SIMC1: variants seen among roughly 807,000 people sequenced by gnomAD.
The protein encoded by SIMC1 is SUMO interacting motifs containing 1.
In SIMC1, 55 loss-of-function variants were observed where a neutral mutation model predicts 82.3. The observed-to-expected ratio is 0.67, with a 90% confidence interval of 0.54 to 0.84. The LOEUF is 0.84. Ranked by LOEUF, SIMC1 falls within the 40% of genes least tolerant of loss-of-function variation. SIMC1 has a pLI of 0.00. For missense variants in SIMC1, 915 were observed against 1,107.2 expected (o/e 0.83, Z 2.46); for synonymous variants, 353 against 426.3 (o/e 0.83, Z 2.12).
chr5:176,313,733 G>A lies in SIMC1; in HGVS notation c.1777G>A (p.Val593Ile), dbSNP rs200331366. 1.4e-4 allele frequency: 222 copies of A among 1,613,750 alleles called. No individual in the cohort carries two copies. The highest frequency in any genetic ancestry group is 8.5e-4 in the Admixed American group (51 of 59,986). Residue 593 changes from valine to isoleucine, a missense_variant, in exon 5 of 10, where the codon GTT (valine) becomes ATT (isoleucine). Physicochemically the swap from Val to Ile is conservative, Grantham distance 29. Coordinates refer to ENST00000429602, the MANE Select transcript of SIMC1 (RefSeq NM_001308195.2). ...GCGAGTCCTTTTCCTGCGTTATGTC[G>A]TTCAGACCCTAGAAGATGACTTTCA... ...PGRVLFLRYV[V>I]QTLEDDFQQT...
intron 1 of SIMC1, among the ~76,000 whole-genome samples, chr5:176,283,562 G>A (rs1292643029): frequency 6.6e-6 from 1 of 152,196 alleles, no homozygotes; most frequent in Non-Finnish European, 1.5e-5. Flanking sequence ...AGCAGCCACT[G>A]CAAAACCATG....
intron 1 of SIMC1, among the ~76,000 whole-genome samples, chr5:176,248,251 T>C (rs930001579): frequency 5.3e-5 from 8 of 152,090 alleles, no homozygotes; most frequent in African/African-American, 1.9e-4. Context: ...ATGGAATGTT[T>C]TTCCATTTGT....
intron 7 of SIMC1, 83 bp from the exon 8 acceptor site, chr5:176,336,637 T>A: frequency 6.5e-7 from 1 of 1,535,322 alleles, no homozygotes; most frequent in South Asian, 1.2e-5. Context: ...AGGACAAATG[T>A]TGTACATTCA....
chr5:176,308,123 G>C (rs1764505878), intron 4 of SIMC1: 4 of 922,666 alleles, frequency 4.3e-6, no homozygotes, highest in Middle Eastern at 2.1e-4. Flanking sequence ...CACTTTCCTT[G>C]TTTGTCTCAA....
At chr5:176,315,029 T>G (rs765343969) in intron 5 of SIMC1, among the ~76,000 whole-genome samples, 3 of 152,194 alleles carry the variant, frequency 2.0e-5, no homozygotes, top group Non-Finnish European at 4.4e-5. Flanking sequence ...TAAATGTGTT[T>G]TCAACTTAAA....
chr5:176,287,468 C>T (rs546628623), intron 1 of SIMC1, among the ~76,000 whole-genome samples: 2 of 151,996 alleles, frequency 1.3e-5, no homozygotes, highest in East Asian at 1.9e-4. Flanking sequence ...ATCAACACAC[C>T]GGGGCCTGTA....
chr5:176,293,377 G>C, intron 2 of SIMC1, among the ~76,000 whole-genome samples: 1 of 151,792 alleles, frequency 6.6e-6, no homozygotes, highest in East Asian at 1.9e-4. Flanking sequence ...GGAACTTGCA[G>C]TGTGCCAGGA....
chr5:176,290,271 C>A lies in SIMC1; in HGVS notation c.747C>A (p.Cys249Ter). Residue 249 changes from cysteine to a stop codon, truncating the protein, a stop_gained, in exon 2 of 10, where the codon TGC (cysteine) becomes TGA (stop). Coordinates refer to ENST00000429602, the MANE Select transcript of SIMC1 (RefSeq NM_001308195.2). LOFTEE classifies it high-confidence loss of function. Reference protein sequence around the residue: ...ASSCPPRALSCPSQTMQCQLP... With the variant: ...ASSCPPRALS ...CATGCCCACCACGAGCCTTGTCATG[C>A]CCATCACAAACCATGCAGTGCCAAC... 6.2e-7 allele frequency: 1 copy of A among 1,613,838 alleles called. No homozygotes were observed. The highest frequency in any genetic ancestry group is 8.5e-7 in the Non-Finnish European group (1 of 1,179,878).
intron 1 of SIMC1, among the ~76,000 whole-genome samples, chr5:176,254,004 T>C (rs1266116405): frequency 6.6e-6 from 1 of 152,088 alleles, no homozygotes; most frequent in African/African-American, 2.4e-5. Flanking sequence ...GTCTCAACTT[T>C]CCCAAAGGCC....
At chr5:176,324,900 T>A in intron 7 of SIMC1, 143 bp downstream of exon 7, 3 of 974,622 alleles carry the variant, frequency 3.1e-6, no homozygotes, top group Non-Finnish European at 2.9e-6. Flanking sequence ...CCAAACTAAT[T>A]AAGATAGGAA....
rs1268926925 is a variant in SIMC1, at chr5:176,248,326, C to T, written c.129+9689C>T. ...TCTCCTTGAAGAGGTCCTTCACATC[C>T]CTTGTAAGTTGTATTCCTAGGTATT... is the stretch of plus-strand genomic sequence containing the variant. On this transcript the variant is annotated intron_variant, in intron 1 of 9. Transcript: ENST00000429602. Among the ~76,000 whole-genome samples the T allele has an allele frequency of 3.9e-5, 6 of 152,012 alleles. 1 individual carries two copies. The highest frequency in any genetic ancestry group is 7.4e-5 in the Non-Finnish European group (5 of 68,012).
At chr5:176,249,576 C>G (rs1339473075) in intron 1 of SIMC1, among the ~76,000 whole-genome samples, 2 of 151,890 alleles carry the variant, frequency 1.3e-5, no homozygotes, top group Non-Finnish European at 2.9e-5. Context: ...CATGGTGGCT[C>G]ACGCCTGTAA....
At chr5:176,272,878 G>A (rs1483328000) in intron 1 of SIMC1, among the ~76,000 whole-genome samples, 2 of 152,228 alleles carry the variant, frequency 1.3e-5, no homozygotes, top group Non-Finnish European at 2.9e-5. Flanking sequence ...GTGCCAGCGA[G>A]GCTTGGGGAA....
Position 176,290,447 on chromosome 5 carries a change from T to C in SIMC1, c.923T>C (p.Met308Thr), listed in dbSNP as rs1180662388. The change falls in exon 2 of 10, where the codon ATG becomes ACG. Residue 308 changes from methionine (M) to threonine (T), a missense_variant. By Grantham distance (81) the Met-to-Thr change is moderately conservative. Around this residue, in one of 2 missense-constraint regions of SIMC1, gnomAD observed 902 missense variants for 1,040.3 expected, o/e 0.87. Coordinates refer to ENST00000429602, the MANE Select transcript of SIMC1 (RefSeq NM_001308195.2). The part of the protein sequence containing the change: ...HPQDVAYLQD[M>T]PRSPGDVPQS... Reference sequence around the variant, plus strand: ...CAAGATGTGGCATACCTGCAAGACATGCCACGGTCACCAGGAGATGTGCCA... The same window carrying C: ...CAAGATGTGGCATACCTGCAAGACACGCCACGGTCACCAGGAGATGTGCCA... The C allele has an allele frequency of 6.2e-7, 1 of 1,613,980 alleles. No individual in the cohort carries two copies. The highest frequency in any genetic ancestry group is 2.2e-5 in the East Asian group (1 of 44,876).
chr5:176,323,148 T>A (rs13189001), intron 6 of SIMC1, among the ~76,000 whole-genome samples: 12,213 of 152,272 alleles, frequency 0.08, 526 homozygotes, highest in Middle Eastern at 0.12. Flanking sequence ...CCTACAAGTT[T>A]AAATTGTTTC....
At chr5:176,248,874 C>T (rs1318396180) in intron 1 of SIMC1, among the ~76,000 whole-genome samples, 2 of 152,126 alleles carry the variant, frequency 1.3e-5, no homozygotes, top group African/African-American at 2.4e-5. Flanking sequence ...CATGTGGTTT[C>T]TGTCATTGGT....
chr5:176,342,879 A>G (rs1368454871), intron 9 of SIMC1, among the ~76,000 whole-genome samples: 2 of 152,212 alleles, frequency 1.3e-5, no homozygotes, highest in Non-Finnish European at 2.9e-5. Flanking sequence ...TCCTGCAACT[A>G]GAATATCAGT....
chr5:176,336,677 C>T (rs1323851916), intron 7 of SIMC1, 43 bp from the exon 8 acceptor site: 1 of 1,603,034 alleles, frequency 6.2e-7, no homozygotes, highest in Admixed American at 1.7e-5. Flanking sequence ...TTCTTTGAAG[C>T]ATAGTTGTGA....
At chr5:176,251,090 G>A (rs1224885270) in intron 1 of SIMC1, among the ~76,000 whole-genome samples, 2 of 152,108 alleles carry the variant, frequency 1.3e-5, no homozygotes, top group Non-Finnish European at 2.9e-5. Flanking sequence ...GGCCAGGCAC[G>A]GTGGCTCACC....
Sources: allele counts gnomAD v4.1 joint callset (sites outside exome capture counted in the v4.1 genomes callset), GRCh38; gene constraint gnomAD v4.1.1; regional missense constraint gnomAD v4.1.1; transcripts MANE v1.5; gene names NCBI Gene and HGNC (gene_info 2026-07-23, HGNC 2026-07-21).